Variants in VPS39 observed in about 807,000 individuals in gnomAD.
VPS39 encodes the protein vam6/Vps39-like protein.
In VPS39, 70 loss-of-function variants were observed where a neutral mutation model predicts 121.0. The observed-to-expected ratio is 0.58, with a 90% CI of 0.48 to 0.71. VPS39 has a LOEUF of 0.71. Ranked by LOEUF, VPS39 falls within the 30% of genes least tolerant of loss-of-function variation. The pLI is 0.00. For missense variants in VPS39, 818 were observed against 1,051.5 expected, an observed-to-expected ratio of 0.78 and a Z score of 3.07; for synonymous variants, 378 against 398.1, an observed-to-expected ratio of 0.95 and a Z score of 0.60.
chr15:42,172,345 A>G (rs930869112), intron 11 of VPS39, among the ~76,000 whole-genome samples: 2 of 152,212 alleles, frequency 1.3e-5, no homozygotes, highest in Middle Eastern at 3.2e-3. Context: ...TTTTTCAGCC[A>G]TATGAGTGAG....
At chr15:42,176,038 T>C (rs960462052) in intron 10 of VPS39, among the ~76,000 whole-genome samples, 6 of 152,172 alleles carry the variant, frequency 3.9e-5, no homozygotes, top group African/African-American at 1.2e-4. Flanking sequence ...TGTTTGTGTA[T>C]CTATTTAAAT....
rs376676351 is a variant in VPS39 at position 42,164,992 on chromosome 15, G to T, written c.1897+4C>A. The T allele has an allele frequency of 4.0e-5, 65 of 1,614,012 alleles. No individual in the cohort carries two copies. Among genetic ancestry groups the T allele is most frequent in the Non-Finnish European group, 5.3e-5 (63 of 1,180,002 alleles). On this transcript the variant is annotated splice_donor_region_variant and intron_variant, in intron 18 of 24. Transcript: ENST00000318006. ...GCCAACCGGCTTCCTAAAAGAACTG[G>T]TACCTGCAGGGAAGGACAGGAGATA... is the stretch of plus-strand genomic sequence containing the variant.
intron 8 of VPS39, among the ~76,000 whole-genome samples, chr15:42,180,608 G>C (rs905196069): frequency 6.6e-6 from 1 of 152,256 alleles, no homozygotes; most frequent in Middle Eastern, 3.4e-3. Context: ...AGGGAATTTA[G>C]AAAATAAGCA....
intron 8 of VPS39, 109 bp from the exon 9 acceptor site, chr15:42,178,679 C>G (rs1441942427): frequency 6.8e-7 from 1 of 1,477,154 alleles, no homozygotes; most frequent in Admixed American, 1.9e-5. Context: ...CAAAAAGTCC[C>G]CTAGTCAAAT....
intron 11 of VPS39, among the ~76,000 whole-genome samples, chr15:42,172,717 G>C (rs777399822): frequency 1.3e-5 from 2 of 152,208 alleles, no homozygotes; most frequent in Non-Finnish European, 2.9e-5. Flanking sequence ...TTTGTTTCCA[G>C]CTGGGAGGGC....
chr15:42,181,128 G>A (rs621365), intron 8 of VPS39, among the ~76,000 whole-genome samples: 7,448 of 152,172 alleles, frequency 0.049, 430 homozygotes, highest in African/African-American at 0.12. Context: ...AAGTATCCAC[G>A]AACGGATGGA....
At chr15:42,166,012 G>C in intron 16 of VPS39, 147 bp downstream of exon 16, 1 of 952,110 alleles carries the variant, frequency 1.1e-6, no homozygotes, top group Non-Finnish European at 1.6e-6. Context: ...CAACTACAGT[G>C]CTGGCTCGCG....
chr15:42,205,352 A>G (rs1234725104), intron 1 of VPS39, among the ~76,000 whole-genome samples: 1 of 152,206 alleles, frequency 6.6e-6, no homozygotes, highest in African/African-American at 2.4e-5. Flanking sequence ...TTTATATAGG[A>G]TACACAGGGA....
At chr15:42,161,330 T>TAG (rs2049122217) in intron 24 of VPS39, 1 of 405,760 alleles carries the variant, frequency 2.5e-6, no homozygotes, top group African/African-American at 2.0e-5. Context: ...CACAATGCAG[T>TAG]AGCTTGAAAG....
At chr15:42,169,965 G>T in intron 11 of VPS39, 99 bp from the exon 12 acceptor site, 2,409 of 993,992 alleles carry the variant, frequency 2.4e-3, no homozygotes, top group Middle Eastern at 6.0e-3. Context: ...GTTCCAGACT[G>T]ATTTAAAAAA....
chr15:42,189,140 C>G lies in VPS39; in HGVS notation c.316G>C (p.Ala106Pro). The G allele has an allele frequency of 6.2e-7, 1 of 1,613,914 alleles. No homozygotes were observed. Among genetic ancestry groups the G allele is most frequent in the Non-Finnish European group, 8.5e-7 (1 of 1,179,878 alleles). The change falls in exon 5 of 25, where the codon GCA becomes CCA. Residue 106 changes from alanine to proline, a missense_variant. By Grantham distance (27) the Ala-to-Pro change is conservative (BLOSUM62 -1). Coordinates refer to ENST00000318006, the MANE Select transcript of VPS39 (RefSeq NM_015289.5). ...QITTVSKAKG[A>P]SLFTCDLQHT... ...TGGAGGTCACAAGTAAACAGTGATGCTCCCTTTGCCTTTGAAACCGTAGTG... is the reference window on the plus strand; with the variant it reads ...TGGAGGTCACAAGTAAACAGTGATGGTCCCTTTGCCTTTGAAACCGTAGTG...
chr15:42,172,781 T>G (rs1002642134), intron 11 of VPS39, among the ~76,000 whole-genome samples: 1 of 152,198 alleles, frequency 6.6e-6, no homozygotes, highest in Non-Finnish European at 1.5e-5. Flanking sequence ...CCCATCAATT[T>G]TATGAATTCT....
At chr15:42,199,528 T>C in intron 2 of VPS39, 1 of 448,192 alleles carries the variant, frequency 2.2e-6, no homozygotes, top group Non-Finnish European at 4.5e-6. Flanking sequence ...CCTAATTTTT[T>C]TTCCTACCAC....
chr15:42,187,684 G>A lies in VPS39; in HGVS notation c.441+74C>T. 5.2e-6 allele frequency: 7 copies of A among 1,335,666 alleles called. No individual in the cohort carries two copies. The South Asian group carries it at 8.2e-5, about 16-fold the overall frequency. The allele number at this position is 1,335,666 out of a possible 1,614,324, so 82.7% of individuals were successfully genotyped here. The stretch of plus-strand genomic sequence containing the variant: ...ATTTGCGTAGAATGACAAGACTGGA[G>A]TCCTGAACTTCACTAGAACCGAGCC... On this transcript the variant is annotated intron_variant, in intron 6 of 24. Coordinates refer to ENST00000318006, the MANE Select transcript of VPS39 (RefSeq NM_015289.5).
chr15:42,189,346 T>C, intron 4 of VPS39, 138 bp from the exon 5 acceptor site: 1 of 645,978 alleles, frequency 1.5e-6, no homozygotes, highest in Middle Eastern at 4.2e-4. Context: ...CCCTTCAGTT[T>C]CACTAGGATG....
intron 2 of VPS39, 132 bp from the exon 3 acceptor site, chr15:42,191,692 G>T (rs372495241): frequency 1.3e-6 from 1 of 759,522 alleles, no homozygotes; most frequent in South Asian, 1.8e-5. Context: ...AAAAATCAGA[G>T]ATCTAAATAG....
intron 8 of VPS39, among the ~76,000 whole-genome samples, chr15:42,179,926 A>G (rs981101457): frequency 2.0e-5 from 3 of 152,170 alleles, no homozygotes; most frequent in African/African-American, 7.2e-5. Flanking sequence ...TTAATGCACT[A>G]TAAAAAGGGC....
At chr15:42,170,238 T>TA (rs796502857) in intron 11 of VPS39, among the ~76,000 whole-genome samples, 36 of 150,746 alleles carry the variant, frequency 2.4e-4, no homozygotes, top group African/African-American at 8.0e-4. Context: ...GAAACATTAC[T>TA]AAAAAAAAAG....
At chr15:42,187,662 T>C (rs1162587731) in intron 6 of VPS39, 96 bp downstream of exon 6, 3 of 1,081,824 alleles carry the variant, frequency 2.8e-6, no homozygotes, top group African/African-American at 3.1e-5. Flanking sequence ...AGTATTCATT[T>C]GCGTAGAATG....
Sources: allele counts gnomAD v4.1 joint callset (sites outside exome capture counted in the v4.1 genomes callset), GRCh38; gene constraint gnomAD v4.1.1; transcripts MANE v1.5; gene names NCBI Gene and HGNC (gene_info 2026-07-23, HGNC 2026-07-21).